NEGR1: variants seen among roughly 807,000 people sequenced by gnomAD.
NEGR1 encodes the protein neuronal growth regulator 1.
A neutral mutation model predicts 40.9 loss-of-function variants in NEGR1; 10 were observed. That is an observed-to-expected ratio of 0.24 (90% CI 0.15 to 0.42). NEGR1 has a LOEUF of 0.42. Among genes scored for constraint, NEGR1 ranks in the 10% least tolerant of loss-of-function variants. The pLI is 1.00. For synonymous variants in NEGR1, 185 were observed against 166.8 expected, an observed-to-expected ratio of 1.11 and a Z score of -0.84; for missense variants, 352 against 438.9, an observed-to-expected ratio of 0.80 and a Z score of 1.77.
At chr1:71,840,924 G>A (rs560803900) in intron 2 of NEGR1, among the ~76,000 whole-genome samples, 20 of 152,294 alleles carry the variant, frequency 1.3e-4, no homozygotes, top group African/African-American at 4.6e-4. Flanking sequence ...CTCCATGCAA[G>A]AGAGAACTCA....
intron 1 of NEGR1, among the ~76,000 whole-genome samples, chr1:72,281,532 G>T (rs527464861): frequency 6.1e-4 from 92 of 151,836 alleles, no homozygotes; most frequent in Non-Finnish European, 1.3e-3. Context: ...TGGGGAGAGG[G>T]ATGAGAAATG....
At chr1:72,148,218 A>G (rs1321065694) in intron 1 of NEGR1, among the ~76,000 whole-genome samples, 1 of 152,072 alleles carries the variant, frequency 6.6e-6, no homozygotes, top group Non-Finnish European at 1.5e-5. Flanking sequence ...AGGCATTTCC[A>G]TACATCCTTT....
Position 71,958,717 on chromosome 1 carries a change from G to T in NEGR1, c.177-23406C>A, listed in dbSNP as rs981920087. Among the ~76,000 whole-genome samples, 46 of 152,006 alleles carry T rather than the reference G, an allele frequency of 3.0e-4. 1 individual carries two copies. Among genetic ancestry groups the T allele is most frequent in the Non-Finnish European group, 1.2e-4 (8 of 67,994 alleles). Reference sequence around the variant, plus strand: ...ACACCTGTAATCCCAGCACTGGGAGGCTTAGGTGGATGGATGATGAGGTCA... The same window carrying T: ...ACACCTGTAATCCCAGCACTGGGAGTCTTAGGTGGATGGATGATGAGGTCA... On this transcript the variant is annotated intron_variant, in intron 1 of 6. Transcript: ENST00000357731.
chr1:71,524,799 C>T (rs931799990), intron 6 of NEGR1, among the ~76,000 whole-genome samples: 6 of 151,578 alleles, frequency 4.0e-5, no homozygotes, highest in African/African-American at 1.2e-4. Flanking sequence ...TTCTTAAATG[C>T]AAAAGAGGGA....
intron 1 of NEGR1, among the ~76,000 whole-genome samples, chr1:72,188,905 A>G (rs1030072099): frequency 6.6e-6 from 1 of 151,626 alleles, no homozygotes; most frequent in African/African-American, 2.4e-5. Flanking sequence ...CAAAACAAGA[A>G]AGGGATTAAT....
intron 1 of NEGR1, among the ~76,000 whole-genome samples, chr1:71,938,740 G>T (rs2100239820): frequency 6.6e-6 from 1 of 152,090 alleles, no homozygotes; most frequent in East Asian, 1.9e-4. Flanking sequence ...GGCCCAAACA[G>T]AATTTATAAT....
At chr1:71,797,331 A>T (rs1657375571) in intron 2 of NEGR1, among the ~76,000 whole-genome samples, 1 of 152,180 alleles carries the variant, frequency 6.6e-6, no homozygotes, top group Admixed American at 6.6e-5. Context: ...TGTATTTAGT[A>T]TATTAAACAT....
intron 2 of NEGR1, among the ~76,000 whole-genome samples, chr1:71,909,056 T>C (rs1319366691): frequency 6.6e-6 from 1 of 152,150 alleles, no homozygotes; most frequent in Non-Finnish European, 1.5e-5. Context: ...AATTGAAGTA[T>C]AAGGACTCTA....
chr1:71,561,891 AG>A (rs1227469357), intron 6 of NEGR1, among the ~76,000 whole-genome samples: 1 of 149,272 alleles, frequency 6.7e-6, no homozygotes, highest in Non-Finnish European at 1.5e-5. Flanking sequence ...TGAATCACTG[AG>A]ATGTAGGAGA....
chr1:71,991,851 G>A (rs1285807375), intron 1 of NEGR1, among the ~76,000 whole-genome samples: 1 of 152,170 alleles, frequency 6.6e-6, no homozygotes, highest in Non-Finnish European at 1.5e-5. Context: ...GAGTGCAGTG[G>A]CACGATCTCG....
chr1:71,573,257 G>C (rs1312052163), intron 6 of NEGR1, among the ~76,000 whole-genome samples: 1 of 152,174 alleles, frequency 6.6e-6, no homozygotes, highest in Non-Finnish European at 1.5e-5. Context: ...TTTGAAGATT[G>C]ATACGAAGTA....
chr1:72,007,383 T>TAA (rs879491116), intron 1 of NEGR1, among the ~76,000 whole-genome samples: 1 of 139,162 alleles, frequency 7.2e-6, no homozygotes, highest in Non-Finnish European at 1.6e-5. Flanking sequence ...ATGAAAGAAT[T>TAA]AAAAAAAAAA....
chr1:72,158,261 A>G lies in NEGR1; in HGVS notation c.176+124058T>C, dbSNP rs75998602. 7.9e-5 allele frequency among the ~76,000 whole-genome samples: 12 copies of G among 152,298 alleles called. No homozygotes were observed. The East Asian group carries it at 2.1e-3, about 27-fold the overall frequency. On this transcript the variant is annotated intron_variant, in intron 1 of 6. Coordinates refer to ENST00000357731, the MANE Select transcript of NEGR1 (RefSeq NM_173808.3). ...AGACATCCTGAGGAATATTCTATGA[A>G]TATAATATTCTGTAATATTGGCAAG...
chr1:71,917,583 A>C, intron 2 of NEGR1, among the ~76,000 whole-genome samples: 1 of 145,662 alleles, frequency 6.9e-6, no homozygotes, highest in East Asian at 2.1e-4. Flanking sequence ...GAGGTCAGCA[A>C]ATCGAGACCA....
At chr1:71,503,980 G>A (rs547542968) in intron 6 of NEGR1, among the ~76,000 whole-genome samples, 47 of 150,536 alleles carry the variant, frequency 3.1e-4, no homozygotes, top group Non-Finnish European at 4.3e-4. Context: ...GGGATCTTGA[G>A]GAACTAATAA....
At chr1:71,781,393 A>C (rs1039467510) in intron 2 of NEGR1, among the ~76,000 whole-genome samples, 1 of 152,214 alleles carries the variant, frequency 6.6e-6, no homozygotes, top group Non-Finnish European at 1.5e-5. Context: ...TGCGTCTGAC[A>C]GTTATTTTAA....
chr1:71,792,021 A>T (rs1207597042), intron 2 of NEGR1, among the ~76,000 whole-genome samples: 3 of 152,132 alleles, frequency 2.0e-5, no homozygotes, highest in African/African-American at 7.2e-5. Context: ...ACAAGATTAA[A>T]ATGTTAGGAT....
At chr1:71,480,199 T>A (rs772504093) in intron 6 of NEGR1, among the ~76,000 whole-genome samples, 11 of 151,950 alleles carry the variant, frequency 7.2e-5, no homozygotes, top group Non-Finnish European at 8.8e-5. Context: ...TTGTTGTATG[T>A]TCTTTACTTG....
rs898365771 is a variant in NEGR1 at position 71,994,139 on chromosome 1, A to G, written c.177-58828T>C. 2.6e-4 allele frequency among the ~76,000 whole-genome samples: 40 copies of G among 152,160 alleles called. 1 individual carries two copies. The highest frequency in any genetic ancestry group is 1.8e-4 in the Non-Finnish European group (12 of 68,026). ...ACTTCCCAAATGTCAATTACTTCCC[A>G]AATGGCAGCCTTCTGATTTGCTATT... On this transcript the variant is annotated intron_variant, in intron 1 of 6. Coordinates refer to ENST00000357731, the MANE Select transcript of NEGR1 (RefSeq NM_173808.3).
Sources: gnomAD v4.1 joint callset for allele counts (sites outside exome capture counted in the v4.1 genomes callset) on GRCh38, gnomAD v4.1.1 for gene constraint, MANE v1.5 for transcripts, NCBI Gene and HGNC (gene_info 2026-07-23, HGNC 2026-07-21) for gene names.